SRRM3: variants seen among roughly 807,000 people sequenced by gnomAD.
SRRM3 encodes the protein serine/arginine repetitive matrix 3.
SRRM3 carries 27 observed loss-of-function variants against 66.2 expected under a neutral mutation model. That is an observed-to-expected ratio of 0.41 (90% confidence interval 0.30 to 0.56). The LOEUF (loss-of-function observed/expected upper bound fraction) is 0.56, where lower values mean the gene tolerates loss of function less well. Among genes scored for constraint, SRRM3 ranks in the 20% least tolerant of loss-of-function variants. The probability of loss-of-function intolerance (pLI) is 0.32; values close to 1 mark genes in which losing one functional copy is unlikely to be tolerated. For synonymous variants in SRRM3, 391 were observed against 414.9 expected, an observed-to-expected ratio of 0.94 and a Z score of 0.70; for missense variants, 918 against 991.9, an observed-to-expected ratio of 0.93 and a Z score of 1.00.
intron 14 of SRRM3, among the ~76,000 whole-genome samples, chr7:76,284,906 A>T (rs1802617803): frequency 6.6e-6 from 1 of 151,214 alleles, no homozygotes; most frequent in Non-Finnish European, 1.5e-5. Flanking sequence ...AGCGGCCAGG[A>T]CTCCCCTCCT....
At chr7:76,208,070 G>C (rs1432876899) in intron 1 of SRRM3, among the ~76,000 whole-genome samples, 1 of 152,152 alleles carries the variant, frequency 6.6e-6, no homozygotes, top group Non-Finnish European at 1.5e-5. Flanking sequence ...GCCTGGGATA[G>C]GTCAGACAGA....
intron 6 of SRRM3, among the ~76,000 whole-genome samples, chr7:76,261,114 CA>C (rs1351845628): frequency 1.3e-5 from 2 of 149,042 alleles, no homozygotes; most frequent in Non-Finnish European, 2.9e-5. Flanking sequence ...CCCACAATGC[CA>C]GGGGGGACAT....
At chr7:76,246,846 A>G (rs1414787325) in intron 2 of SRRM3, among the ~76,000 whole-genome samples, 1 of 152,224 alleles carries the variant, frequency 6.6e-6, no homozygotes, top group Admixed American at 6.5e-5. Context: ...GAGCCCCAAG[A>G]GTGCAGCAGT....
chr7:76,215,861 G>A (rs754229028), intron 1 of SRRM3, among the ~76,000 whole-genome samples: 54 of 145,236 alleles, frequency 3.7e-4, no homozygotes, highest in Non-Finnish European at 6.0e-4. Flanking sequence ...GCAGTGGTGC[G>A]ATCTTGGCTC....
At chr7:76,281,834 G>GGCC in intron 12 of SRRM3, 32 bp downstream of exon 12, 4 of 1,138,364 alleles carry the variant, frequency 3.5e-6, no homozygotes, top group South Asian at 2.3e-5. Flanking sequence ...CTGGACTCCC[G>GGCC]CCCCCACCCC....
At chr7:76,241,350 G>C (rs1344552954) in intron 2 of SRRM3, among the ~76,000 whole-genome samples, 1 of 152,196 alleles carries the variant, frequency 6.6e-6, no homozygotes, top group Non-Finnish European at 1.5e-5. Context: ...TGGCAGAACA[G>C]ACAGAGAAGA....
At position 76,282,725 on chromosome 7, in the gene SRRM3, CAG is replaced by C; in HGVS notation, c.1450_1451del (p.Glu484ArgfsTer60). On this transcript the variant is annotated frameshift_variant, in exon 13 of 15. Transcript: ENST00000611745. LOFTEE classifies it high-confidence loss of function. ...GGCGCGCACGGCCGGCGCGGCGGCC[CAG>C]AAGGGAAGAGCTCGTCGCGCAGCCC... The C allele has an allele frequency of 6.9e-7, 1 of 1,448,678 alleles. No individual in the cohort carries two copies. Among genetic ancestry groups the C allele is most frequent in the Non-Finnish European group, 9.0e-7 (1 of 1,106,114 alleles). The allele number at this position is 1,448,678 out of a possible 1,614,324, so 89.7% of individuals were successfully genotyped here.
chr7:76,236,309 CAA>C (rs34308296), intron 2 of SRRM3, among the ~76,000 whole-genome samples: 9,606 of 113,300 alleles, frequency 0.085, 750 homozygotes, highest in African/African-American at 0.21. Flanking sequence ...AACTCCGTCT[CAA>C]AAAAAAAAAA....
chr7:76,264,349 A>G (rs1289317423), intron 8 of SRRM3, among the ~76,000 whole-genome samples: 1 of 151,534 alleles, frequency 6.6e-6, no homozygotes, highest in East Asian at 1.9e-4. Flanking sequence ...TATTTTTAGT[A>G]GAGACTGGGT....
chr7:76,285,866 GC>G lies in SRRM3; in HGVS notation c.*29del, dbSNP rs782724091. 2.6e-6 allele frequency: 4 copies of G among 1,535,690 alleles called. No homozygotes were observed. The highest frequency in any genetic ancestry group is 2.5e-5 in the East Asian group (1 of 40,628). ...TGAGCCCAGACAGACTCAGCTTGGT[GC>G]CCCCCTGGCACTGGGAGAGGCGAGG... On this transcript the variant is annotated 3_prime_UTR_variant, in exon 15 of 15. Coordinates refer to ENST00000611745, the MANE Select transcript of SRRM3 (RefSeq NM_001110199.3). This position sits in a 1 kb window ranked among gnomAD's most constrained non-coding sequence, Gnocchi z 4.1.
At chr7:76,266,761 C>T (rs1802068740) in intron 10 of SRRM3, among the ~76,000 whole-genome samples, 1 of 148,412 alleles carries the variant, frequency 6.7e-6, no homozygotes, top group African/African-American at 2.5e-5. Context: ...CAACCTCCGC[C>T]TCCGGGATTC....
At chr7:76,208,878 G>A (rs1583862605) in intron 1 of SRRM3, among the ~76,000 whole-genome samples, 4 of 149,998 alleles carry the variant, frequency 2.7e-5, no homozygotes, top group Middle Eastern at 6.9e-3. Context: ...AGGAAGGAAG[G>A]GAGGAAGGGA....
In SRRM3 at chr7:76,286,097, G is replaced by C; in HGVS notation, c.*254G>C. On this transcript the variant is annotated 3_prime_UTR_variant, in exon 15 of 15. Transcript: ENST00000611745. ...CCACCCACTGTGCCCGGGGAACAAA[G>C]AGCCGTTACGAACACAGGAATCTCC... 1.8e-6 allele frequency: 1 copy of C among 567,252 alleles called. No individual in the cohort carries two copies. The highest frequency in any genetic ancestry group is 1.9e-5 in the African/African-American group (1 of 53,004). 35.1% of individuals were successfully genotyped at this position (567,252 alleles called of 1,614,324 possible). A position where few individuals can be genotyped will look rare whatever the true frequency, so the allele number is the denominator to read the frequency against.
chr7:76,260,848 CCTTT>C, intron 5 of SRRM3, 22 bp from the exon 6 acceptor site: 1 of 1,555,586 alleles, frequency 6.4e-7, no homozygotes, highest in South Asian at 1.2e-5. Context: ...ATCCGTCTGT[CCTTT>C]CTTCCTGGCA....
intron 1 of SRRM3, among the ~76,000 whole-genome samples, chr7:76,204,709 C>A (rs1800252822): frequency 6.6e-6 from 1 of 152,158 alleles, no homozygotes; most frequent in Non-Finnish European, 1.5e-5. Context: ...TATCTCTGAT[C>A]CTGGCTCCCT....
chr7:76,240,568 C>T (rs991396950), intron 2 of SRRM3, among the ~76,000 whole-genome samples: 7 of 147,234 alleles, frequency 4.8e-5, no homozygotes, highest in African/African-American at 1.3e-4. Context: ...TGCAGTGAGC[C>T]GAGATTGCGC....
intron 10 of SRRM3, among the ~76,000 whole-genome samples, chr7:76,266,262 A>C (rs1802037712): frequency 8.2e-6 from 1 of 121,232 alleles, no homozygotes; most frequent in Non-Finnish European, 1.6e-5. Context: ...TATTTAATAT[A>C]TTTATATTTA....
At chr7:76,259,040 C>T (rs1240547778) in intron 3 of SRRM3, among the ~76,000 whole-genome samples, 5 of 150,874 alleles carry the variant, frequency 3.3e-5, no homozygotes, top group Admixed American at 6.6e-5. Flanking sequence ...GAGGCGAGAT[C>T]GGGCCCCTGC....
chr7:76,240,059 A>G (rs1490725023), intron 2 of SRRM3, among the ~76,000 whole-genome samples: 1 of 152,092 alleles, frequency 6.6e-6, no homozygotes, highest in African/African-American at 2.4e-5. Context: ...CCAGCTACTC[A>G]GGAGGCTGAG....
Sources: allele counts gnomAD v4.1 joint callset (sites outside exome capture counted in the v4.1 genomes callset), GRCh38; gene constraint gnomAD v4.1.1; non-coding constraint Gnocchi (gnomAD v3.1); transcripts MANE v1.5; gene names NCBI Gene and HGNC (gene_info 2026-07-23, HGNC 2026-07-21).